Variants in LRRC4C observed in about 807,000 individuals in gnomAD.
LRRC4C encodes leucine-rich repeat-containing protein 4C.
Under a neutral mutation model 33.6 loss-of-function variants are expected in LRRC4C, and 5 were observed. The ratio of observed to expected loss-of-function variants is 0.15; its 90% CI spans 0.08 to 0.31. The LOEUF (loss-of-function observed/expected upper bound fraction) is 0.31. Ranked by LOEUF, LRRC4C falls within the 10% of genes least tolerant of loss-of-function variation. LRRC4C has a pLI of 1.00. For missense variants in LRRC4C, 560 were observed against 796.7 expected (o/e 0.70, Z 3.58); for synonymous variants, 329 against 302.0 (o/e 1.09, Z -0.93).
At chr11:41,038,204 G>A (rs1211919999) in intron 1 of LRRC4C, among the ~76,000 whole-genome samples, 1 of 152,130 alleles carries the variant, frequency 6.6e-6, no homozygotes, top group East Asian at 1.9e-4. Context: ...AGCAAATATA[G>A]TCTCTGAGAA....
chr11:41,416,205 C>G (rs1237764512), intron 1 of LRRC4C, among the ~76,000 whole-genome samples: 1 of 152,026 alleles, frequency 6.6e-6, no homozygotes, highest in Non-Finnish European at 1.5e-5. Context: ...AAAAATGGAA[C>G]AACCGGGGCA....
intron 4 of LRRC4C, among the ~76,000 whole-genome samples, chr11:40,319,388 C>T (rs1388512309): frequency 4.6e-5 from 7 of 152,268 alleles, no homozygotes; most frequent in African/African-American, 9.6e-5. Flanking sequence ...GCAGTTGCCA[C>T]GCACTTCTTG....
At chr11:40,761,241 T>A (rs866957469) in intron 2 of LRRC4C, among the ~76,000 whole-genome samples, 1 of 152,130 alleles carries the variant, frequency 6.6e-6, no homozygotes, top group Non-Finnish European at 1.5e-5. Context: ...GGGCAGTTTA[T>A]GCCACATAAT....
chr11:41,177,902 C>T (rs1945275061), intron 1 of LRRC4C, among the ~76,000 whole-genome samples: 1 of 152,106 alleles, frequency 6.6e-6, no homozygotes, highest in Non-Finnish European at 1.5e-5. Flanking sequence ...AACACTTTAA[C>T]AAATCCCACA....
At chr11:40,732,517 G>A (rs958602655) in intron 2 of LRRC4C, among the ~76,000 whole-genome samples, 4 of 152,008 alleles carry the variant, frequency 2.6e-5, no homozygotes, top group African/African-American at 9.7e-5. Context: ...CCTTTTACAC[G>A]CTGAGCCAAG....
intron 1 of LRRC4C, among the ~76,000 whole-genome samples, chr11:40,938,326 C>T (rs751593942): frequency 6.6e-6 from 1 of 151,650 alleles, no homozygotes; most frequent in Non-Finnish European, 1.5e-5. Flanking sequence ...AAGATCCAAG[C>T]GAAGGGTGAG....
intron 2 of LRRC4C, among the ~76,000 whole-genome samples, chr11:40,865,977 A>T (rs1954345908): frequency 6.6e-6 from 1 of 151,998 alleles, no homozygotes; most frequent in Admixed American, 6.6e-5. Flanking sequence ...TGAAATATGA[A>T]GATTTTATTC....
intron 1 of LRRC4C, among the ~76,000 whole-genome samples, chr11:41,358,558 T>TA (rs1306124272): frequency 2.0e-5 from 3 of 152,044 alleles, no homozygotes; most frequent in African/African-American, 7.2e-5. Context: ...ACAACTCAAT[T>TA]AAAAAATGAG....
chr11:40,833,542 T>C (rs1591833140), intron 2 of LRRC4C, among the ~76,000 whole-genome samples: 1 of 152,198 alleles, frequency 6.6e-6, no homozygotes, highest in East Asian at 1.9e-4. Flanking sequence ...CATCCCAAAT[T>C]GAACAGCCTC....
At chr11:40,902,847 A>C (rs1011119299) in intron 2 of LRRC4C, among the ~76,000 whole-genome samples, 1 of 152,164 alleles carries the variant, frequency 6.6e-6, no homozygotes, top group Non-Finnish European at 1.5e-5. Flanking sequence ...AAGCTAGCAG[A>C]GTTTGGTCTA....
chr11:40,485,256 C>G (rs1025168463), intron 3 of LRRC4C, among the ~76,000 whole-genome samples: 1 of 151,846 alleles, frequency 6.6e-6, no homozygotes, highest in Non-Finnish European at 1.5e-5. Context: ...GGGACACACA[C>G]ACACACACAC....
At chr11:41,106,069 G>A (rs899803129) in intron 1 of LRRC4C, among the ~76,000 whole-genome samples, 7 of 151,984 alleles carry the variant, frequency 4.6e-5, no homozygotes, top group Non-Finnish European at 1.0e-4. Flanking sequence ...CATCTTAACT[G>A]CATGGAAACA....
At chr11:40,433,504 T>G (rs1038063591) in intron 3 of LRRC4C, among the ~76,000 whole-genome samples, 13 of 151,854 alleles carry the variant, frequency 8.6e-5, no homozygotes, top group Non-Finnish European at 1.5e-4. Flanking sequence ...TGATTTCCTA[T>G]AAAATGAGGT....
intron 3 of LRRC4C, among the ~76,000 whole-genome samples, chr11:40,615,941 T>C (rs1591284237): frequency 6.6e-6 from 1 of 151,804 alleles, no homozygotes; most frequent in Admixed American, 6.6e-5. Context: ...CTGTTTTACA[T>C]ATAGATTAAA....
At chr11:40,939,725 G>T (rs1009591572) in intron 1 of LRRC4C, among the ~76,000 whole-genome samples, 1 of 152,146 alleles carries the variant, frequency 6.6e-6, no homozygotes, top group African/African-American at 2.4e-5. Context: ...AAGTGAAGAT[G>T]GTTGCTGAGC....
Position 40,246,869 on chromosome 11 carries a change from A to T in LRRC4C, c.-175-5271T>A, listed in dbSNP as rs9888183. Reference sequence around the variant, plus strand: ...TTCTTCTAGTATTGATGCTCATAGGAAGAAAAAATAATTTGTTTACTATTT... The same window carrying T: ...TTCTTCTAGTATTGATGCTCATAGGTAGAAAAAATAATTTGTTTACTATTT... On this transcript the variant is annotated intron_variant, in intron 4 of 6. Transcript: ENST00000528697. Among the ~76,000 whole-genome samples, 79 of 152,314 alleles carry T rather than the reference A, an allele frequency of 5.2e-4. 1 individual carries two copies. The South Asian group carries it at 1.0e-2, about 19-fold the overall frequency.
Position 40,757,515 on chromosome 11 carries a change from G to A in LRRC4C, c.-406-109237C>T, listed in dbSNP as rs375531398. 4.7e-5 allele frequency among the ~76,000 whole-genome samples: 7 copies of A among 149,994 alleles called. No individual in the cohort carries two copies. In the East Asian group the frequency reaches 1.2e-3, roughly 25 times the overall value. On this transcript the variant is annotated intron_variant, in intron 2 of 6. Transcript: ENST00000528697. ...AATTGTGCCTTATTTATTTGTTTTT[G>A]TTTTGTTTTGTGTTTTGGCTAGTTA...
rs1565274740 is a variant in LRRC4C at position 40,987,681 on chromosome 11, T to TATATCTATATATATATATATG, written c.-495-53959_-495-53958insCATATATATATATATAGATAT. ...ATATATATGAGATATAAATGATATATATATATATATCTCATATATATGAGA... is the reference window on the plus strand; with the variant it reads ...ATATATATGAGATATAAATGATATATATATCTATATATATATATATGATATATATATCTCATATATATGAGA... On this transcript the variant is annotated intron_variant, in intron 1 of 6. Coordinates refer to ENST00000528697, the MANE Select transcript of LRRC4C (RefSeq NM_001258419.2). Among the ~76,000 whole-genome samples the TATATCTATATATATATATATG allele has an allele frequency of 9.4e-5, 7 of 74,650 alleles. No individual in the cohort carries two copies. The Admixed American group carries it at 9.8e-4, about 10-fold the overall frequency. 49.0% of individuals were successfully genotyped at this position (74,650 alleles called of 152,430 possible).
At chr11:40,300,580 G>A (rs1944724679) in intron 4 of LRRC4C, among the ~76,000 whole-genome samples, 1 of 152,142 alleles carries the variant, frequency 6.6e-6, no homozygotes, top group African/African-American at 2.4e-5. Context: ...ATTGATTCCA[G>A]GATCCCAGCA....
Sources: gnomAD v4.1 joint callset for allele counts (sites outside exome capture counted in the v4.1 genomes callset) on GRCh38, gnomAD v4.1.1 for gene constraint, MANE v1.5 for transcripts, NCBI Gene and HGNC (gene_info 2026-07-23, HGNC 2026-07-21) for gene names.